LAMTOR3: variants seen among roughly 807,000 people sequenced by gnomAD.
LAMTOR3 encodes the protein ragulator complex protein LAMTOR3.
LAMTOR3 carries 14 observed loss-of-function variants against 20.3 expected under a neutral mutation model. The observed-to-expected ratio is 0.69, with a 90% CI of 0.46 to 1.08. The LOEUF (loss-of-function observed/expected upper bound fraction) is 1.08, where lower values mean the gene tolerates loss of function less well. LAMTOR3 is among the 50% of genes least tolerant of loss of function. LAMTOR3 has a pLI of 0.00. For synonymous variants in LAMTOR3, 40 were observed against 49.4 expected (o/e 0.81, Z 0.80); for missense variants, 125 against 143.7 (o/e 0.87, Z 0.67).
intron 3 of LAMTOR3, among the ~76,000 whole-genome samples, chr4:99,888,386 G>A (rs957572088): frequency 8.5e-5 from 13 of 152,194 alleles, no homozygotes; most frequent in African/African-American, 3.1e-4. Context: ...AAAGTACTAA[G>A]TTATCAGTGA....
chr4:99,889,391 ATATACACC>A (rs1724984072), intron 3 of LAMTOR3, among the ~76,000 whole-genome samples: 2 of 152,210 alleles, frequency 1.3e-5, no homozygotes, highest in African/African-American at 4.8e-5. Flanking sequence ...GTAAGTTATG[ATATACACC>A]TACAAAGGAA....
rs147369668 is a variant in LAMTOR3 at position 99,890,360 on chromosome 4, A to C, written c.44+1640T>G. Among the ~76,000 whole-genome samples the C allele has an allele frequency of 2.0e-3, 299 of 152,334 alleles. 3 individuals carry two copies. Among genetic ancestry groups the C allele is most frequent in the African/African-American group, 6.6e-3 (273 of 41,566 alleles). ...TTTGCAGAGAATTCAAAAAACGCAC[A>C]AAAACACACATTCCATTAGTATCCG... On this transcript the variant is annotated intron_variant, in intron 3 of 6. Transcript: ENST00000499666.
In LAMTOR3 at chr4:99,881,985, A is replaced by G. The variant is rs377184402; in HGVS notation, c.*9T>C. The stretch of plus-strand genomic sequence containing the variant: ...TGAAGATAAGGTACACACTGAAACC[A>G]CTGTCAGATTAAGAAACTTCCACAA... On this transcript the variant is annotated 3_prime_UTR_variant, in exon 7 of 7. Coordinates refer to ENST00000499666, the MANE Select transcript of LAMTOR3 (RefSeq NM_021970.4). The G allele has an allele frequency of 6.3e-7, 1 of 1,582,106 alleles. No homozygotes were observed. The highest frequency in any genetic ancestry group is 1.4e-5 in the African/African-American group (1 of 73,908).
rs1303693238 is a variant in LAMTOR3, at chr4:99,879,430, T to C, written c.*2564A>G. ...GGTTAAGTAGCTCCATTTGTTATCA[T>C]TTCTTTTTCTAGGATTTTTAGATAT... is the stretch of plus-strand genomic sequence containing the variant. On this transcript the variant is annotated 3_prime_UTR_variant, in exon 7 of 7. Coordinates refer to ENST00000499666, the MANE Select transcript of LAMTOR3 (RefSeq NM_021970.4). 1 of 152,214 alleles carries C rather than the reference T, an allele frequency of 6.6e-6. No individual in the cohort carries two copies. The highest frequency in any genetic ancestry group is 1.5e-5 in the Non-Finnish European group (1 of 68,020). 9.4% of individuals were successfully genotyped at this position (152,214 alleles called of 1,614,324 possible). A position where few individuals can be genotyped will look rare whatever the true frequency, so the allele number is the denominator to read the frequency against.
intron 5 of LAMTOR3, 67 bp downstream of exon 5, chr4:99,885,475 T>TTA (rs997693181): frequency 1.0e-5 from 14 of 1,386,052 alleles, no homozygotes; most frequent in Non-Finnish European, 1.3e-5. Context: ...ACAAACTATT[T>TTA]TATATATATA....
chr4:99,886,748 A>C (rs114409318), intron 4 of LAMTOR3, among the ~76,000 whole-genome samples: 1 of 152,192 alleles, frequency 6.6e-6, no homozygotes, highest in African/African-American at 2.4e-5. Context: ...TAAAGCCACT[A>C]TAGTGTCCCA....
intron 4 of LAMTOR3, among the ~76,000 whole-genome samples, chr4:99,886,876 T>C (rs987460111): frequency 8.7e-5 from 13 of 148,886 alleles, no homozygotes; most frequent in African/African-American, 3.2e-4. Context: ...ACATGGGTAT[T>C]ATCCTAAAAC....
chr4:99,890,739 C>G (rs535456009), intron 3 of LAMTOR3, among the ~76,000 whole-genome samples: 1 of 152,186 alleles, frequency 6.6e-6, no homozygotes, highest in South Asian at 2.1e-4. Flanking sequence ...GCACAACAAC[C>G]TGATATTTCC....
chr4:99,893,922 C>G, intron 2 of LAMTOR3, 33 bp downstream of exon 2: 1 of 1,460,634 alleles, frequency 6.8e-7, no homozygotes, highest in African/African-American at 1.4e-5. Context: ...ATTCCCCACT[C>G]TCCCCTTCCT....
chr4:99,892,679 C>CTT (rs554934243), intron 2 of LAMTOR3, among the ~76,000 whole-genome samples: 4 of 116,134 alleles, frequency 3.4e-5, no homozygotes, highest in South Asian at 5.4e-4. Flanking sequence ...TGTGAGGCAA[C>CTT]ATTTTTTTTT....
chr4:99,885,417 AAATTTTAC>A (rs1248869859), intron 5 of LAMTOR3, 117 bp downstream of exon 5: 39 of 760,314 alleles, frequency 5.1e-5, no homozygotes, highest in Non-Finnish European at 7.5e-5. Context: ...TTGAAGGCTA[AAATTTTAC>A]AATTTCATCC....
At chr4:99,891,643 C>T (rs1725024632) in intron 3 of LAMTOR3, among the ~76,000 whole-genome samples, 1 of 152,032 alleles carries the variant, frequency 6.6e-6, no homozygotes, top group Admixed American at 6.6e-5. Context: ...AAAGAGGAAA[C>T]TGGCCAACAA....
intron 4 of LAMTOR3, among the ~76,000 whole-genome samples, chr4:99,886,245 G>A (rs933398929): frequency 1.3e-5 from 2 of 152,106 alleles, no homozygotes; most frequent in Non-Finnish European, 2.9e-5. Flanking sequence ...CCCTCATTAC[G>A]GAATTAAGAG....
chr4:99,889,034 G>A (rs925890611), intron 3 of LAMTOR3, among the ~76,000 whole-genome samples: 8 of 152,054 alleles, frequency 5.3e-5, no homozygotes, highest in Non-Finnish European at 8.8e-5. Flanking sequence ...ATGAAACCCC[G>A]TCTCAGCCAA....
rs1375009362 is a variant in LAMTOR3 at position 99,884,047 on chromosome 4, G to A, written c.301+15C>T. On this transcript the variant is annotated intron_variant, in intron 6 of 6. Coordinates refer to ENST00000499666, the MANE Select transcript of LAMTOR3 (RefSeq NM_021970.4). ...AATTAAGGATTAAAGTGATATTTAA[G>A]GTCATTAAACACACCTGTATTGGCA... The A allele has an allele frequency of 1.3e-6, 2 of 1,539,092 alleles. No individual in the cohort carries two copies. The highest frequency in any genetic ancestry group is 1.4e-5 in the African/African-American group (1 of 72,780).
intron 4 of LAMTOR3, 78 bp from the exon 5 acceptor site, chr4:99,885,753 C>T (rs1724913028): frequency 8.1e-7 from 1 of 1,234,154 alleles, no homozygotes; most frequent in Non-Finnish European, 1.1e-6. Context: ...TTTTCATAAA[C>T]CTCTTTTTAA....
chr4:99,892,696 G>C lies in LAMTOR3; in HGVS notation c.10-662C>G, dbSNP rs1231198481. Among the ~76,000 whole-genome samples, 19 of 67,638 alleles carry C rather than the reference G, an allele frequency of 2.8e-4. No individual in the cohort carries two copies. The South Asian group carries it at 7.5e-3, about 27-fold the overall frequency. 44.4% of individuals were successfully genotyped at this position (67,638 alleles called of 152,430 possible). A position where few individuals can be genotyped will look rare whatever the true frequency, so the allele number is the denominator to read the frequency against. On this transcript the variant is annotated intron_variant, in intron 2 of 6. Coordinates refer to ENST00000499666, the MANE Select transcript of LAMTOR3 (RefSeq NM_021970.4). Reference sequence around the variant, plus strand: ...TGAGGCAACATTTTTTTTTTTTTTTGAGACGGAGTTTCGCTCTTGTTGTCC... The same window carrying C: ...TGAGGCAACATTTTTTTTTTTTTTTCAGACGGAGTTTCGCTCTTGTTGTCC...
rs772114549 is a variant in LAMTOR3 at position 99,885,661 on chromosome 4, C to G, written c.118G>C (p.Ala40Pro). ...CCAGGTCGCAAAGCATGCTCTGGAG[C>G]ATTGTCATTTGCCACTAGAAAAATA... ...VPVIKVANDN[A>P]PEHALRPGFL... The change falls in exon 5 of 7, where the codon GCT becomes CCT. Residue 40 changes from alanine (A) to proline (P), a missense_variant. By Grantham distance (27) the Ala-to-Pro change is conservative. This residue lies in a region of LAMTOR3 where 99 missense variants were observed against 96.0 expected (regional missense o/e 1.03). Transcript: ENST00000499666. 6.2e-7 allele frequency: 1 copy of G among 1,612,356 alleles called. No homozygotes were observed. Among genetic ancestry groups the G allele is most frequent in the Admixed American group, 1.7e-5 (1 of 59,604 alleles).
chr4:99,888,220 T>C (rs558704711), intron 3 of LAMTOR3, among the ~76,000 whole-genome samples: 1 of 152,314 alleles, frequency 6.6e-6, no homozygotes, highest in East Asian at 1.9e-4. Context: ...AGATTAACAA[T>C]TTGAAAATGG....
Sources: allele counts gnomAD v4.1 joint callset (sites outside exome capture counted in the v4.1 genomes callset), GRCh38; gene constraint gnomAD v4.1.1; regional missense constraint gnomAD v4.1.1; transcripts MANE v1.5; gene names NCBI Gene and HGNC (gene_info 2026-07-23, HGNC 2026-07-21).